Variants in ANGPT1 observed in about 807,000 individuals in gnomAD.
ANGPT1 encodes the protein angiopoietin 1.
A neutral mutation model predicts 62.2 loss-of-function variants in ANGPT1; 17 were observed. The ratio of observed to expected loss-of-function variants is 0.27; its 90% confidence interval spans 0.19 to 0.41. The LOEUF (loss-of-function observed/expected upper bound fraction) is 0.41. Among genes scored for constraint, ANGPT1 ranks in the 10% least tolerant of loss-of-function variants. The pLI, the probability that ANGPT1 is intolerant of heterozygous loss-of-function variation, is 1.00. For synonymous variants in ANGPT1, 199 were observed against 198.9 expected (o/e 1.00, Z 0.00); for missense variants, 478 against 594.9 (o/e 0.80, Z 2.04).
intron 1 of ANGPT1, among the ~76,000 whole-genome samples, chr8:107,405,518 A>C (rs1184742560): frequency 2.0e-5 from 3 of 152,000 alleles, no homozygotes; most frequent in Non-Finnish European, 4.4e-5. Flanking sequence ...TTGTTTAAGG[A>C]AGAACATTAT....
At chr8:107,384,639 A>C (rs200570304) in intron 1 of ANGPT1, among the ~76,000 whole-genome samples, 2 of 152,038 alleles carry the variant, frequency 1.3e-5, no homozygotes, top group East Asian at 3.9e-4. Flanking sequence ...GACTTATAAG[A>C]GGAAAAAGGG....
Position 107,458,246 on chromosome 8 carries a change from A to C in ANGPT1, c.297+39016T>G, listed in dbSNP as rs531810933. On this transcript the variant is annotated intron_variant, in intron 1 of 8. Coordinates refer to ENST00000517746, the MANE Select transcript of ANGPT1 (RefSeq NM_001146.5). ...TAACATGCAAGACTTATACAAGAGT[A>C]AACAATGAGTTTATTTATCTTTCAG... is the stretch of plus-strand genomic sequence containing the variant. Among the ~76,000 whole-genome samples, 10 of 152,322 alleles carry C rather than the reference A, an allele frequency of 6.6e-5. No homozygotes were observed. In the South Asian group the frequency reaches 2.1e-3, roughly 32 times the overall value.
chr8:107,332,288 G>A (rs1227499285), intron 3 of ANGPT1, among the ~76,000 whole-genome samples: 1 of 152,128 alleles, frequency 6.6e-6, no homozygotes, highest in Non-Finnish European at 1.5e-5. Context: ...ATATGGTTGA[G>A]TTACAGATTC....
chr8:107,313,515 C>T (rs895227740), intron 4 of ANGPT1, among the ~76,000 whole-genome samples: 9 of 136,704 alleles, frequency 6.6e-5, no homozygotes, highest in African/African-American at 2.1e-4. Flanking sequence ...TCTCAACTCA[C>T]TGCAAGCTCC....
At chr8:107,470,623 C>A (rs561330412) in intron 1 of ANGPT1, among the ~76,000 whole-genome samples, 68 of 152,198 alleles carry the variant, frequency 4.5e-4, no homozygotes, top group African/African-American at 1.6e-3. Flanking sequence ...TGTGCAGAAG[C>A]TCTTTAGTTT....
intron 1 of ANGPT1, among the ~76,000 whole-genome samples, 179 bp downstream of exon 1, chr8:107,497,083 G>T (rs1813122074): frequency 6.6e-6 from 1 of 152,186 alleles, no homozygotes; most frequent in East Asian, 1.9e-4. Context: ...GTTTGGGCAA[G>T]CCCCCAAACC....
rs1353454754 is a variant in ANGPT1, at chr8:107,346,969, G to A, written c.426C>T (p.Thr142=). ...TSLLSQTAEQ[T]RKLTDVETQV... is the part of the protein sequence containing the mutation. ...GGGTCTCAACATCTGTCAGCTTTCT[G>A]GTCTGCTCTGCAGTCTGAGAGAGGA... Residue 142 remains threonine (T), a synonymous_variant, in exon 2 of 9, where the codon ACC becomes ACT. Transcript: ENST00000517746. 3.7e-6 allele frequency: 6 copies of A among 1,613,198 alleles called. No homozygotes were observed. The highest frequency in any genetic ancestry group is 5.1e-6 in the Non-Finnish European group (6 of 1,179,448).
At chr8:107,405,858 G>A (rs1817138245) in intron 1 of ANGPT1, among the ~76,000 whole-genome samples, 2 of 151,704 alleles carry the variant, frequency 1.3e-5, no homozygotes, top group Admixed American at 1.3e-4. Flanking sequence ...ATCCTTGTAA[G>A]TAAAATTTGA....
chr8:107,430,275 G>A (rs935033710), intron 1 of ANGPT1, among the ~76,000 whole-genome samples: 1 of 152,148 alleles, frequency 6.6e-6, no homozygotes, highest in East Asian at 1.9e-4. Context: ...GGGACAAATG[G>A]TCTTTACTGA....
At position 107,461,374 on chromosome 8, in the gene ANGPT1, C is replaced by A. The variant is rs147802112; in HGVS notation, c.297+35888G>T. 3.7e-3 allele frequency among the ~76,000 whole-genome samples: 562 copies of A among 152,222 alleles called. 9 individuals carry two copies. The highest frequency in any genetic ancestry group is 0.013 in the African/African-American group (530 of 41,558). The stretch of plus-strand genomic sequence containing the variant: ...CTGTATTCACAATAGATACCTAAAG[C>A]AACTCAGTATTTCTTTATACCTCTT... On this transcript the variant is annotated intron_variant, in intron 1 of 8. Coordinates refer to ENST00000517746, the MANE Select transcript of ANGPT1 (RefSeq NM_001146.5).
At chr8:107,271,904 T>TAAAAAAA (rs35257524) in intron 7 of ANGPT1, among the ~76,000 whole-genome samples, 2 of 138,220 alleles carry the variant, frequency 1.4e-5, no homozygotes, top group Non-Finnish European at 3.1e-5. Context: ...TTGATACTGG[T>TAAAAAAA]AAAAAAAAAA....
intron 7 of ANGPT1, among the ~76,000 whole-genome samples, chr8:107,282,767 T>C (rs1780051217): frequency 6.6e-6 from 1 of 151,410 alleles, no homozygotes; most frequent in South Asian, 2.1e-4. Flanking sequence ...TGATCATAGA[T>C]CCCTACTGTG....
At chr8:107,305,302 T>C (rs1412016129) in intron 4 of ANGPT1, among the ~76,000 whole-genome samples, 1 of 151,928 alleles carries the variant, frequency 6.6e-6, no homozygotes, top group Non-Finnish European at 1.5e-5. Context: ...TTTTCTCTTT[T>C]GAGAGAGAGA....
At chr8:107,443,265 C>T (rs927289526) in intron 1 of ANGPT1, among the ~76,000 whole-genome samples, 1 of 152,078 alleles carries the variant, frequency 6.6e-6, no homozygotes, top group African/African-American at 2.4e-5. Context: ...CAGTGAATAC[C>T]TTTGGTGAAT....
At chr8:107,267,976 T>C (rs1046218203) in intron 7 of ANGPT1, among the ~76,000 whole-genome samples, 7 of 152,158 alleles carry the variant, frequency 4.6e-5, no homozygotes, top group African/African-American at 7.2e-5. Flanking sequence ...TTAAGATTTG[T>C]TCCAAGTATA....
chr8:107,289,117 T>A (rs1171330967), intron 6 of ANGPT1, among the ~76,000 whole-genome samples: 1 of 152,190 alleles, frequency 6.6e-6, no homozygotes. Flanking sequence ...AGGTTTTGAT[T>A]CAGTAACTCA....
chr8:107,300,130 T>C (rs1318284030), intron 5 of ANGPT1, among the ~76,000 whole-genome samples: 1 of 146,254 alleles, frequency 6.8e-6, no homozygotes, highest in Non-Finnish European at 1.5e-5. Context: ...ATATATATAG[T>C]ATAGTATAGT....
At chr8:107,371,573 CTTTTTTT>C (rs5893851) in intron 1 of ANGPT1, among the ~76,000 whole-genome samples, 8 of 102,126 alleles carry the variant, frequency 7.8e-5, no homozygotes, top group Non-Finnish European at 7.8e-5. Context: ...GCTGAGCATT[CTTTTTTT>C]TTTTTTTTTT....
intron 8 of ANGPT1, among the ~76,000 whole-genome samples, chr8:107,260,870 C>T (rs74686100): frequency 1.2e-3 from 187 of 152,190 alleles, no homozygotes; most frequent in African/African-American, 4.4e-3. Context: ...AAGAACATGA[C>T]GAAGTTCAAT....
Sources: allele counts gnomAD v4.1 joint callset (sites outside exome capture counted in the v4.1 genomes callset), GRCh38; gene constraint gnomAD v4.1.1; transcripts MANE v1.5; gene names NCBI Gene and HGNC (gene_info 2026-07-23, HGNC 2026-07-21).